The following SLC24A2 variants were observed in gnomAD, a reference collection of about 807,000 sequenced individuals.
SLC24A2 encodes solute carrier family 24 member 2, also known as sodium/potassium/calcium exchanger 2.
In SLC24A2, 36 loss-of-function variants were observed where a neutral mutation model predicts 62.0. The ratio of observed to expected loss-of-function variants is 0.58; its 90% confidence interval spans 0.44 to 0.77. The LOEUF is 0.77. SLC24A2 is among the 30% of genes least tolerant of loss of function. The pLI is 0.00. For synonymous variants in SLC24A2, 358 were observed against 294.0 expected (o/e 1.22, Z -2.23); for missense variants, 846 against 817.9 (o/e 1.03, Z -0.42).
the SLC24A2 span, among the ~76,000 whole-genome samples, chr9:20,167,137 T>C: frequency 6.6e-6 from 1 of 152,024 alleles, no homozygotes; most frequent in Non-Finnish European, 1.5e-5. Flanking sequence ...TTCAAATGAA[T>C]GTTGTAAACA....
At chr9:20,031,752 A>G in the SLC24A2 span, among the ~76,000 whole-genome samples, 92 of 152,158 alleles carry the variant, frequency 6.0e-4, 1 homozygote, top group African/African-American at 2.1e-3. Flanking sequence ...GTCAGCCCCA[A>G]TCCTGACTCT....
chr9:20,256,278 A>C, the SLC24A2 span, among the ~76,000 whole-genome samples: 1 of 152,330 alleles, frequency 6.6e-6, no homozygotes, highest in Non-Finnish European at 1.5e-5. Flanking sequence ...AGGGAAGCTC[A>C]AGACTAATGG....
At chr9:20,058,492 T>TAC in the SLC24A2 span, among the ~76,000 whole-genome samples, 52,134 of 147,742 alleles carry the variant, frequency 0.35, 9,736 homozygotes, top group East Asian at 0.68. Context: ...ATGCCCTTCA[T>TAC]ACACACACAC....
At chr9:20,176,393 G>A in the SLC24A2 span, among the ~76,000 whole-genome samples, 535 of 152,198 alleles carry the variant, frequency 3.5e-3, 2 homozygotes, top group African/African-American at 0.012. Context: ...ACAATCAACA[G>A]CCTTGTAGAT....
Position 19,528,029 on chromosome 9 carries a change from T to C in SLC24A2, c.1569+20A>G, listed in dbSNP as rs1833520238. On this transcript the variant is annotated intron_variant, in intron 9 of 10. Transcript: ENST00000341998. ...ACTGGAGAAAAACAAGGCAGAGGCA[T>C]GTCACTATCAAAATCTTACCTGGTG... The C allele has an allele frequency of 7.0e-7, 1 of 1,437,662 alleles. No individual in the cohort carries two copies. Among genetic ancestry groups the C allele is most frequent in the Non-Finnish European group, 9.7e-7 (1 of 1,034,862 alleles). The allele number at this position is 1,437,662 out of a possible 1,614,324, so 89.1% of individuals were successfully genotyped here. A position where few individuals can be genotyped will look rare whatever the true frequency, so the allele number is the denominator to read the frequency against.
At chr9:20,286,025 A>G in the SLC24A2 span, among the ~76,000 whole-genome samples, 4 of 152,202 alleles carry the variant, frequency 2.6e-5, no homozygotes, top group African/African-American at 9.6e-5. Flanking sequence ...TGACAGCCTG[A>G]GCAGACTAAC....
At chr9:19,941,281 C>T in the SLC24A2 span, among the ~76,000 whole-genome samples, 1 of 152,056 alleles carries the variant, frequency 6.6e-6, no homozygotes, top group Non-Finnish European at 1.5e-5. Flanking sequence ...CCAACCCATC[C>T]CTTGAGACTG....
At chr9:20,116,263 T>G in the SLC24A2 span, among the ~76,000 whole-genome samples, 1 of 152,102 alleles carries the variant, frequency 6.6e-6, no homozygotes, top group Admixed American at 6.6e-5. Context: ...CCTTTGACAC[T>G]TCACTTATTC....
At chr9:19,623,254 T>A (rs775053910) in intron 2 of SLC24A2, among the ~76,000 whole-genome samples, 1 of 152,172 alleles carries the variant, frequency 6.6e-6, no homozygotes, top group Non-Finnish European at 1.5e-5. Context: ...TCACCTCAAC[T>A]ACAGGTGCAG....
chr9:19,654,553 C>A (rs1293592666), intron 2 of SLC24A2, among the ~76,000 whole-genome samples: 1 of 152,178 alleles, frequency 6.6e-6, no homozygotes, highest in Non-Finnish European at 1.5e-5. Context: ...CCATGAATTT[C>A]ATTCTAGGTA....
chr9:20,173,402 T>C, the SLC24A2 span, among the ~76,000 whole-genome samples: 28,462 of 151,812 alleles, frequency 0.19, 4,345 homozygotes, highest in East Asian at 0.73. Context: ...TCACTGTTTG[T>C]TGATGATATG....
At chr9:20,079,362 T>C in the SLC24A2 span, among the ~76,000 whole-genome samples, 1 of 152,258 alleles carries the variant, frequency 6.6e-6, no homozygotes, top group Admixed American at 6.5e-5. Context: ...ACTACCTCTC[T>C]GAATGTAAAC....
At chr9:20,056,352 G>C in the SLC24A2 span, among the ~76,000 whole-genome samples, 6 of 152,158 alleles carry the variant, frequency 3.9e-5, no homozygotes, top group East Asian at 1.2e-3. Context: ...CCCCTATTGA[G>C]GAGAGGAAAT....
At chr9:19,994,874 T>C in the SLC24A2 span, among the ~76,000 whole-genome samples, 1 of 152,202 alleles carries the variant, frequency 6.6e-6, no homozygotes, top group African/African-American at 2.4e-5. Flanking sequence ...TCTCTTCCAA[T>C]GTACCAATAT....
intron 5 of SLC24A2, among the ~76,000 whole-genome samples, chr9:19,596,764 T>G (rs898055935): frequency 1.3e-5 from 2 of 152,200 alleles, no homozygotes; most frequent in Non-Finnish European, 2.9e-5. Context: ...GTCCTCCACA[T>G]CAGAATCAGG....
At chr9:20,152,701 G>C in the SLC24A2 span, among the ~76,000 whole-genome samples, 1 of 151,820 alleles carries the variant, frequency 6.6e-6, no homozygotes, top group Non-Finnish European at 1.5e-5. Flanking sequence ...GCTTAAGAAA[G>C]CAAGTACACC....
chr9:20,189,388 G>A, the SLC24A2 span, among the ~76,000 whole-genome samples: 4 of 152,144 alleles, frequency 2.6e-5, no homozygotes, highest in African/African-American at 7.2e-5. Context: ...TCATAACTGG[G>A]TAGTGAAAGT....
At chr9:20,051,651 C>CTCTTTTT in the SLC24A2 span, among the ~76,000 whole-genome samples, 84 of 63,596 alleles carry the variant, frequency 1.3e-3, no homozygotes, top group African/African-American at 5.0e-3. Context: ...GAGGTTTTTT[C>CTCTTTTT]TTTCTCTTTT....
the SLC24A2 span, among the ~76,000 whole-genome samples, chr9:20,097,127 T>G: frequency 6.6e-6 from 1 of 152,280 alleles, no homozygotes. Flanking sequence ...CATCCTATAC[T>G]TGGGGATTAC....
Sources: gnomAD v4.1 joint callset for allele counts (sites outside exome capture counted in the v4.1 genomes callset) on GRCh38, gnomAD v4.1.1 for gene constraint, MANE v1.5 for transcripts, NCBI Gene and HGNC (gene_info 2026-07-23, HGNC 2026-07-21) for gene names.